Variants in NKAIN3 observed in about 807,000 individuals in gnomAD.
NKAIN3 encodes the protein sodium/potassium transporting ATPase interacting 3.
In NKAIN3, 25 loss-of-function variants were observed where a neutral mutation model predicts 30.2. That is an observed-to-expected ratio of 0.83 (90% CI 0.60 to 1.16). The LOEUF is 1.16. Ranked by LOEUF, NKAIN3 falls within the 50% of genes most tolerant of loss-of-function variation. The pLI is 0.00. For missense variants in NKAIN3, 225 were observed against 254.1 expected (o/e 0.89, Z 0.78); for synonymous variants, 91 against 89.6 (o/e 1.02, Z -0.09).
chr8:62,906,864 C>A (rs532117302), intron 4 of NKAIN3, among the ~76,000 whole-genome samples: 1 of 152,084 alleles, frequency 6.6e-6, no homozygotes, highest in Non-Finnish European at 1.5e-5. Context: ...TGAGAACAGA[C>A]TAATACAGTA....
chr8:62,469,537 T>G (rs1420516655), intron 1 of NKAIN3, among the ~76,000 whole-genome samples: 1 of 152,128 alleles, frequency 6.6e-6, no homozygotes, highest in Non-Finnish European at 1.5e-5. Flanking sequence ...AAGACCTGCC[T>G]TGTCAAGACT....
intron 4 of NKAIN3, among the ~76,000 whole-genome samples, chr8:62,852,366 T>G (rs1819935808): frequency 6.6e-6 from 1 of 152,198 alleles, no homozygotes; most frequent in Admixed American, 6.5e-5. Context: ...TTAGTCTTGC[T>G]AGCGGGCTAT....
At chr8:62,543,464 T>C (rs1183787400) in intron 1 of NKAIN3, among the ~76,000 whole-genome samples, 1 of 152,200 alleles carries the variant, frequency 6.6e-6, no homozygotes, top group African/African-American at 2.4e-5. Flanking sequence ...ACAGATGATG[T>C]TGCTCAATAG....
At chr8:62,582,394 C>G (rs911029770) in intron 2 of NKAIN3, among the ~76,000 whole-genome samples, 3 of 152,048 alleles carry the variant, frequency 2.0e-5, no homozygotes, top group African/African-American at 7.2e-5. Context: ...AAACAATTGT[C>G]CACATAAATG....
At position 62,345,524 on chromosome 8, in the gene NKAIN3, TATATATACACAC is replaced by T. The variant is rs1165367566; in HGVS notation, c.54+96409_54+96420del. ...ATATACACATATATACACATATATG[TATATATACACAC>T]ATATATACACATATATGTATATATA... On this transcript the variant is annotated intron_variant, in intron 1 of 6. Transcript: ENST00000623646. 1.5e-3 allele frequency among the ~76,000 whole-genome samples: 188 copies of T among 129,444 alleles called. 20 individuals carry two copies. The highest frequency in any genetic ancestry group is 5.5e-3 in the African/African-American group (168 of 30,598). 84.9% of individuals were successfully genotyped at this position (129,444 alleles called of 152,430 possible). A position where few individuals can be genotyped will look rare whatever the true frequency, so the allele number is the denominator to read the frequency against.
chr8:62,832,916 A>T (rs1291200022), intron 4 of NKAIN3, among the ~76,000 whole-genome samples: 4 of 152,004 alleles, frequency 2.6e-5, no homozygotes, highest in African/African-American at 4.8e-5. Flanking sequence ...CACAAAACAT[A>T]CTCCATAATA....
Position 62,981,837 on chromosome 8 carries a change from TTAAAG to T in NKAIN3, c.*16433_*16437del, listed in dbSNP as rs1019996887. On this transcript the variant is annotated 3_prime_UTR_variant, in exon 7 of 7. Transcript: ENST00000623646. ...CTGAGTTTTACATGTACCCTAAAAC[TTAAAG>T]TATAGTAAAAAAAAGAAAAGAAAGA... The T allele has an allele frequency of 6.6e-6, 1 of 151,304 alleles. No individual in the cohort carries two copies. The highest frequency in any genetic ancestry group is 1.9e-4 in the East Asian group (1 of 5,178). 9.4% of individuals were successfully genotyped at this position (151,304 alleles called of 1,614,324 possible). A position where few individuals can be genotyped will look rare whatever the true frequency, so the allele number is the denominator to read the frequency against.
chr8:62,555,023 C>G (rs1229341104), intron 1 of NKAIN3, among the ~76,000 whole-genome samples: 1 of 97,434 alleles, frequency 1.0e-5, no homozygotes, highest in Non-Finnish European at 2.1e-5. Context: ...CACACACACA[C>G]ACACACACAC....
downstream of NKAIN3, among the ~76,000 whole-genome samples, chr8:62,989,605 T>C (rs953659202): frequency 6.6e-6 from 1 of 152,030 alleles, no homozygotes; most frequent in Non-Finnish European, 1.5e-5. Context: ...GAGATTTGGG[T>C]GGGGACACAG....
chr8:62,452,200 G>A (rs1354871612), intron 1 of NKAIN3, among the ~76,000 whole-genome samples: 1 of 152,132 alleles, frequency 6.6e-6, no homozygotes. Flanking sequence ...TACTGGCTGG[G>A]TGCAGTGGCT....
chr8:62,995,510 C>T (rs62508122), intron 5 of NKAIN3, among the ~76,000 whole-genome samples: 2 of 151,910 alleles, frequency 1.3e-5, no homozygotes, highest in Admixed American at 6.6e-5. Flanking sequence ...GTTGTGCTGA[C>T]CTGGGACTAG....
intron 3 of NKAIN3, among the ~76,000 whole-genome samples, chr8:62,601,235 A>G (rs1186938772): frequency 1.3e-5 from 2 of 152,074 alleles, no homozygotes; most frequent in Non-Finnish European, 2.9e-5. Context: ...TGAATCTAGT[A>G]AAGTTTTTAA....
chr8:62,991,574 A>C (rs1394011162), intron 5 of NKAIN3, among the ~76,000 whole-genome samples: 2 of 152,234 alleles, frequency 1.3e-5, no homozygotes, highest in Non-Finnish European at 2.9e-5. Context: ...AGGAAATTCA[A>C]TCACAAAAGA....
At chr8:62,886,922 T>G (rs868457650) in intron 4 of NKAIN3, among the ~76,000 whole-genome samples, 1 of 135,060 alleles carries the variant, frequency 7.4e-6, no homozygotes, top group African/African-American at 2.6e-5. Context: ...CAGTGTTTGG[T>G]TTTCTGTTCT....
chr8:62,923,889 T>C (rs1822356641), intron 5 of NKAIN3, among the ~76,000 whole-genome samples: 2 of 152,084 alleles, frequency 1.3e-5, no homozygotes. Context: ...TGAGACAGAC[T>C]CTCTCTCAAG....
chr8:62,549,943 G>T (rs999891053), intron 1 of NKAIN3, among the ~76,000 whole-genome samples: 44 of 148,104 alleles, frequency 3.0e-4, no homozygotes, highest in Admixed American at 2.6e-3. Context: ...GGGCCTACTA[G>T]ATCACTGGAC....
intron 1 of NKAIN3, among the ~76,000 whole-genome samples, chr8:62,524,208 A>T (rs1053302457): frequency 4.0e-5 from 6 of 148,500 alleles, no homozygotes; most frequent in South Asian, 2.2e-4. Context: ...CACCAGGCTA[A>T]GTCCACCCCC....
At chr8:62,272,869 A>G (rs1476308197) in intron 1 of NKAIN3, among the ~76,000 whole-genome samples, 1 of 152,236 alleles carries the variant, frequency 6.6e-6, no homozygotes, top group East Asian at 1.9e-4. Context: ...TTAGCTTATT[A>G]TCAACTAAAA....
chr8:62,501,726 A>G (rs1807460082), intron 1 of NKAIN3, among the ~76,000 whole-genome samples: 1 of 152,182 alleles, frequency 6.6e-6, no homozygotes, highest in South Asian at 2.1e-4. Flanking sequence ...TGATTACTCA[A>G]CTTAAAAGCT....
Sources: allele counts gnomAD v4.1 joint callset (sites outside exome capture counted in the v4.1 genomes callset), GRCh38; gene constraint gnomAD v4.1.1; transcripts MANE v1.5; gene names NCBI Gene and HGNC (gene_info 2026-07-23, HGNC 2026-07-21).